The following RPS6KA2 variants were observed in gnomAD, a reference collection of about 807,000 sequenced individuals.
The protein encoded by RPS6KA2 is ribosomal protein S6 kinase A2, also known as ribosomal protein S6 kinase alpha-2.
A neutral mutation model predicts 91.8 loss-of-function variants in RPS6KA2; 42 were observed. The ratio of observed to expected loss-of-function variants is 0.46; its 90% CI spans 0.36 to 0.59. The LOEUF is 0.59. Ranked by LOEUF, RPS6KA2 falls within the 20% of genes least tolerant of loss-of-function variation. The pLI is 0.00. For synonymous variants in RPS6KA2, 414 were observed against 393.6 expected (o/e 1.05, Z -0.61); for missense variants, 798 against 978.5 (o/e 0.82, Z 2.46).
chr6:166,824,331 C>A (rs888844018), intron 2 of RPS6KA2, among the ~76,000 whole-genome samples: 1 of 152,194 alleles, frequency 6.6e-6, no homozygotes, highest in Non-Finnish European at 1.5e-5. Flanking sequence ...GAGAAGCCGC[C>A]GTGTGGGGCG....
intron 2 of RPS6KA2, among the ~76,000 whole-genome samples, chr6:166,804,401 T>A (rs952635743): frequency 6.6e-6 from 1 of 152,202 alleles, no homozygotes; most frequent in Non-Finnish European, 1.5e-5. Flanking sequence ...AAATACTCAG[T>A]GGATTCACAT....
intron 1 of RPS6KA2, among the ~76,000 whole-genome samples, chr6:166,543,603 CCT>C (rs1163062955): frequency 1.6e-4 from 24 of 152,228 alleles, no homozygotes; most frequent in African/African-American, 3.6e-4. Flanking sequence ...CCCACCTCCC[CCT>C]CTTTCTGTGT....
In RPS6KA2 at chr6:166,423,529, C is replaced by G. The variant is rs753069407; in HGVS notation, c.1582-112G>C. On this transcript the variant is annotated intron_variant, in intron 16 of 20. Transcript: ENST00000265678. This position sits in a 1 kb window ranked among gnomAD's most constrained non-coding sequence, Gnocchi z 4.8. Reference sequence around the variant, plus strand: ...TTTGGGAACTGTCTTCCTAGCAGGTCCTGCAAGCAGGCAACAGGCCAACAG... The same window carrying G: ...TTTGGGAACTGTCTTCCTAGCAGGTGCTGCAAGCAGGCAACAGGCCAACAG... 10 of 1,067,718 alleles carry G rather than the reference C, an allele frequency of 9.4e-6. No individual in the cohort carries two copies. Among genetic ancestry groups the G allele is most frequent in the Non-Finnish European group, 1.1e-5 (8 of 746,594 alleles). 66.1% of individuals were successfully genotyped at this position (1,067,718 alleles called of 1,614,324 possible).
In RPS6KA2 at chr6:166,451,672, G is replaced by A. The variant is rs114515264; in HGVS notation, c.1076-439C>T. Among the ~76,000 whole-genome samples, 666 of 152,286 alleles carry A rather than the reference G, an allele frequency of 4.4e-3. 7 individuals are homozygous for A. Among genetic ancestry groups the A allele is most frequent in the African/African-American group, 0.014 (601 of 41,554 alleles). On this transcript the variant is annotated intron_variant, in intron 12 of 20. Coordinates refer to ENST00000265678, the MANE Select transcript of RPS6KA2 (RefSeq NM_021135.6). ...TCCTTAGCTTCTGGTCTCTAGGTTC[G>A]ACAGGTCCCACCCCTGTGCCCACAG...
In RPS6KA2 at chr6:166,807,810, C is replaced by T. The variant is rs183078435; in HGVS notation, c.123+50390G>A. On this transcript the variant is annotated intron_variant, in intron 2 of 21. Transcript: ENST00000503859. ...GCTTCCTCAGTCTTCATTCGTAAGG[C>T]CTTCCCTCAACACCTGTTTAAAATG... Among the ~76,000 whole-genome samples the T allele has an allele frequency of 1.3e-4, 20 of 152,160 alleles. No homozygotes were observed. The East Asian group carries it at 3.9e-3, about 29-fold the overall frequency.
chr6:166,817,255 C>G (rs1398715620), intron 2 of RPS6KA2, among the ~76,000 whole-genome samples: 2 of 152,148 alleles, frequency 1.3e-5, no homozygotes, highest in African/African-American at 2.4e-5. Context: ...TACCAGGGGA[C>G]AGTGATATTC....
intron 2 of RPS6KA2, among the ~76,000 whole-genome samples, chr6:166,782,772 CA>C (rs1778803735): frequency 6.6e-6 from 1 of 152,176 alleles, no homozygotes; most frequent in Non-Finnish European, 1.5e-5. Flanking sequence ...AGCCCGGATG[CA>C]ACAGAAGCCA....
chr6:166,768,655 A>G (rs1392298862), intron 2 of RPS6KA2, among the ~76,000 whole-genome samples: 1 of 152,226 alleles, frequency 6.6e-6, no homozygotes, highest in Non-Finnish European at 1.5e-5. Context: ...AAACAAAACC[A>G]GAATGATCAG....
rs145709788 is a variant in RPS6KA2 at position 166,465,037 on chromosome 6, C to T, written c.972+4804G>A. On this transcript the variant is annotated intron_variant, in intron 11 of 20. Transcript: ENST00000265678. ...AAATAAAAAGATCTGCTGGCAGTATCGGATCACAGAGAGCAGCAGAAAGCA... is the reference window on the plus strand; with the variant it reads ...AAATAAAAAGATCTGCTGGCAGTATTGGATCACAGAGAGCAGCAGAAAGCA... Among the ~76,000 whole-genome samples, 395 of 152,280 alleles carry T rather than the reference C, an allele frequency of 2.6e-3. 1 individual carries two copies. The highest frequency in any genetic ancestry group is 9.0e-3 in the African/African-American group (372 of 41,528).
intron 2 of RPS6KA2, among the ~76,000 whole-genome samples, chr6:166,723,262 G>C (rs1380490193): frequency 6.6e-6 from 1 of 152,248 alleles, no homozygotes; most frequent in Non-Finnish European, 1.5e-5. Context: ...GGAAAGTAAA[G>C]CACTAACTTT....
exon 1 of RPS6KA2, chr6:166,862,439 C>G (rs1263951223): frequency 7.9e-7 from 1 of 1,261,776 alleles, no homozygotes; most frequent in African/African-American, 1.5e-5. Context: ...CTCTGGGGAG[C>G]TGCTGCCGCT....
At position 166,423,177 on chromosome 6, in the gene RPS6KA2, C is replaced by G; in HGVS notation, c.1743+79G>C. ...AGCCGCCTCTGACATCCCCGCTGTCCGGTGGCTCTGCAGTGGGAGGGGGCA... is the reference window on the plus strand; with the variant it reads ...AGCCGCCTCTGACATCCCCGCTGTCGGGTGGCTCTGCAGTGGGAGGGGGCA... On this transcript the variant is annotated intron_variant, in intron 17 of 20. Coordinates refer to ENST00000265678, the MANE Select transcript of RPS6KA2 (RefSeq NM_021135.6). This position sits in a 1 kb window ranked among gnomAD's most constrained non-coding sequence, Gnocchi z 4.8. 1.4e-6 allele frequency: 2 copies of G among 1,446,144 alleles called. No homozygotes were observed. The highest frequency in any genetic ancestry group is 1.9e-6 in the Non-Finnish European group (2 of 1,066,476). 89.6% of individuals were successfully genotyped at this position (1,446,144 alleles called of 1,614,324 possible).
intron 2 of RPS6KA2, among the ~76,000 whole-genome samples, chr6:166,684,815 C>T (rs537443760): frequency 1.1e-4 from 17 of 152,332 alleles, no homozygotes; most frequent in Admixed American, 5.2e-4. Context: ...GATTTGTTTT[C>T]TAAGAAAAAT....
At chr6:166,501,472 T>A (rs1188088033) in intron 6 of RPS6KA2, among the ~76,000 whole-genome samples, 3 of 152,192 alleles carry the variant, frequency 2.0e-5, no homozygotes, top group African/African-American at 7.2e-5. Flanking sequence ...AGCAGGTACA[T>A]CTTGTGATGA....
At chr6:166,709,809 T>A (rs1266843260) in intron 2 of RPS6KA2, among the ~76,000 whole-genome samples, 2 of 152,212 alleles carry the variant, frequency 1.3e-5, no homozygotes, top group African/African-American at 4.8e-5. Context: ...TCAAGAAGTA[T>A]TTTTCAAATA....
intron 12 of RPS6KA2, among the ~76,000 whole-genome samples, chr6:166,452,899 A>C (rs1420720184): frequency 6.6e-6 from 1 of 152,146 alleles, no homozygotes; most frequent in Non-Finnish European, 1.5e-5. Flanking sequence ...CTAGCGAAAG[A>C]CTTCGAAAGT....
intron 1 of RPS6KA2, among the ~76,000 whole-genome samples, chr6:166,602,978 G>A (rs187856488): frequency 1.3e-5 from 2 of 152,198 alleles, no homozygotes; most frequent in East Asian, 3.9e-4. Context: ...TGAGAATCTG[G>A]AGAGAGAGAG....
intron 2 of RPS6KA2, among the ~76,000 whole-genome samples, chr6:166,843,094 G>T (rs576992168): frequency 1.3e-5 from 2 of 152,150 alleles, no homozygotes; most frequent in South Asian, 2.1e-4. Context: ...TGGGAGCAGG[G>T]TGAGGCCTGT....
chr6:166,584,417 C>G (rs1309784762), intron 1 of RPS6KA2, among the ~76,000 whole-genome samples: 1 of 152,220 alleles, frequency 6.6e-6, no homozygotes, highest in African/African-American at 2.4e-5. Context: ...TGGAGGGATA[C>G]AATTGAGTCC....
Sources: allele counts gnomAD v4.1 joint callset (sites outside exome capture counted in the v4.1 genomes callset), GRCh38; gene constraint gnomAD v4.1.1; non-coding constraint Gnocchi (gnomAD v3.1); transcripts MANE v1.5; gene names NCBI Gene and HGNC (gene_info 2026-07-23, HGNC 2026-07-21).